The following DCHS1 variants were observed in gnomAD, a reference collection of about 807,000 sequenced individuals.
The protein encoded by DCHS1 is protocadherin-16.
A neutral mutation model predicts 213.9 loss-of-function variants in DCHS1; 78 were observed. The ratio of observed to expected loss-of-function variants is 0.36; its 90% CI spans 0.30 to 0.44. DCHS1 has a LOEUF of 0.44. Among genes scored for constraint, DCHS1 ranks in the 20% least tolerant of loss-of-function variants. The probability of loss-of-function intolerance (pLI) is 1.00; values close to 1 mark genes in which losing one functional copy is unlikely to be tolerated. For missense variants in DCHS1, 3,946 were observed against 4,395.9 expected, an observed-to-expected ratio of 0.90 and a Z score of 2.89; for synonymous variants, 1,828 against 1,873.7, an observed-to-expected ratio of 0.98 and a Z score of 0.63.
At position 6,629,732 on chromosome 11, in the gene DCHS1, G is replaced by T. The variant is rs750210702; in HGVS notation, c.4975C>A (p.Arg1659Ser). 3 of 1,613,768 alleles carry T rather than the reference G, an allele frequency of 1.9e-6. No individual in the cohort carries two copies. Among genetic ancestry groups the T allele is most frequent in the South Asian group, 2.2e-5 (2 of 91,086 alleles). ...GATGTGCCAGGAGGGTTGTTCTCAC[G>T]CAAGAGGACGCTGTACTCCTGCTGC... ...FQQQEYSVLL[R>S]ENNPPGTSLL... The change falls in exon 11 of 21, where the codon CGT becomes AGT. Residue 1659 changes from arginine (R) to serine (S), a missense_variant. Transcript: ENST00000299441.
rs1479821266 is a variant in DCHS1 at position 6,655,641 on chromosome 11, G to A, written c.-199C>T. On this transcript the variant is annotated 5_prime_UTR_variant, in exon 1 of 21. Coordinates refer to ENST00000299441, the MANE Select transcript of DCHS1 (RefSeq NM_003737.4). ...TCAGCCCCCCGGGCAGCGCCCGCTC[G>A]CGCGGGGCCTGAGGCCGCGCATCGT... The A allele has an allele frequency of 5.8e-5, 57 of 977,542 alleles. No individual in the cohort carries two copies. Among genetic ancestry groups the A allele is most frequent in the Admixed American group, 6.4e-5 (1 of 15,658 alleles). The allele number at this position is 977,542 out of a possible 1,614,324, so 60.6% of individuals were successfully genotyped here. A position where few individuals can be genotyped will look rare whatever the true frequency, so the allele number is the denominator to read the frequency against.
In DCHS1 at chr11:6,622,356, TAG is replaced by T. The variant is rs1428749493; in HGVS notation, c.9318_9319del (p.Tyr3107GlnfsTer55). The T allele has an allele frequency of 3.8e-6, 6 of 1,587,354 alleles. No individual in the cohort carries two copies. The highest frequency in any genetic ancestry group is 5.1e-6 in the Non-Finnish European group (6 of 1,167,028). On this transcript the variant is annotated frameshift_variant, in exon 21 of 21. Transcript: ENST00000299441. LOFTEE classifies it high-confidence loss of function. The surrounding 1 kb of genome is among the most constrained non-coding windows in gnomAD (Gnocchi z 5.4). Reference sequence around the variant, plus strand: ...AGTGGCTGGGGGCCCCTCCTCTCTGTAGAGAGTGGCTCCTGCACCTGGCAGCA... The same window carrying T: ...AGTGGCTGGGGGCCCCTCCTCTCTGTAGAGTGGCTCCTGCACCTGGCAGCA...
chr11:6,654,879 G>A (rs1006424943), intron 1 of DCHS1, among the ~76,000 whole-genome samples: 1 of 151,978 alleles, frequency 6.6e-6, no homozygotes, highest in African/African-American at 2.4e-5. Context: ...CCTCCACGTG[G>A]GACCCACGCC....
chr11:6,633,746 AG>A (rs1855947685), intron 4 of DCHS1, 42 bp downstream of exon 4: 1 of 1,598,430 alleles, frequency 6.3e-7, no homozygotes, highest in South Asian at 1.1e-5. Context: ...GCAGGTGGGG[AG>A]GGGGACCTGG....
Position 6,621,588 on chromosome 11 carries a change from T to C in DCHS1, c.*191A>G, listed in dbSNP as rs962071343. 2 of 733,580 alleles carry C rather than the reference T, an allele frequency of 2.7e-6. No homozygotes were observed. Among genetic ancestry groups the C allele is most frequent in the Non-Finnish European group, 4.8e-6 (2 of 414,838 alleles). 45.4% of individuals were successfully genotyped at this position (733,580 alleles called of 1,614,324 possible). ...TCCCCACATTGGACCTGGTCACAGG[T>C]CAGTGAGCAACAGGGCTTCTGTGGT... On this transcript the variant is annotated 3_prime_UTR_variant, in exon 21 of 21. Transcript: ENST00000299441.
In DCHS1 at chr11:6,631,152, A is replaced by T. The variant is rs746306266; in HGVS notation, c.3831T>A (p.Ala1277=). 1 of 1,611,440 alleles carries T rather than the reference A, an allele frequency of 6.2e-7. No homozygotes were observed. The highest frequency in any genetic ancestry group is 1.3e-5 in the African/African-American group (1 of 74,754). The change falls in exon 9 of 21, where the codon GCT becomes GCA. Residue 1277 remains alanine, a synonymous_variant. Transcript: ENST00000299441. ...HPHSGELLTA[A]PLIRAERPHY... ...GGGGCCGCTCTGCTCGGATCAGGGG[A>T]GCTGCAGTGAGCAGCTCCCCTGAGT...
rs1199729435 is a variant in DCHS1, at chr11:6,625,382, G to A, written c.6962C>T (p.Pro2321Leu). 3.7e-6 allele frequency: 6 copies of A among 1,612,152 alleles called. No individual in the cohort carries two copies. The highest frequency in any genetic ancestry group is 5.1e-6 in the Non-Finnish European group (6 of 1,178,984). ...YVLSPSGPQD[P>L]FSVGRYGGRV... Reference sequence around the variant, plus strand: ...GCCTCCATAGCGGCCAACACTGAAGGGATCCTGGGGCCCAGATGGGCTTAG... The same window carrying A: ...GCCTCCATAGCGGCCAACACTGAAGAGATCCTGGGGCCCAGATGGGCTTAG... Residue 2321 changes from proline (P) to leucine (L), a missense_variant, in exon 19 of 21, where the codon CCC becomes CTC. Pro to Leu is a moderately conservative substitution (Grantham distance 98). Coordinates refer to ENST00000299441, the MANE Select transcript of DCHS1 (RefSeq NM_003737.4). The surrounding 1 kb of genome is among the most constrained non-coding windows in gnomAD (Gnocchi z 5.3).
At chr11:6,629,403 G>A (rs2134623036) in intron 12 of DCHS1, 49 bp downstream of exon 12, 2 of 1,601,098 alleles carry the variant, frequency 1.2e-6, no homozygotes, top group East Asian at 4.5e-5. Context: ...AGGTAACACT[G>A]GTGTTTACAA....
At position 6,630,809 on chromosome 11, in the gene DCHS1, G is replaced by T. The variant is rs1270733319; in HGVS notation, c.3985C>A (p.Pro1329Thr). Residue 1329 changes from proline to threonine, a missense_variant, in exon 10 of 21, where the codon CCA becomes ACA. By Grantham distance (38) the Pro-to-Thr change is conservative. Coordinates refer to ENST00000299441, the MANE Select transcript of DCHS1 (RefSeq NM_003737.4). ...EPPPDLAERD[P>T]AAPVPVVLTV... is the part of the protein sequence containing the mutation. ...AGCACGACAGGCACTGGTGCCGCTG[G>T]GTCCCGCTCTGCGAGATCTGGGGGC... The T allele has an allele frequency of 1.3e-6, 2 of 1,536,190 alleles. No individual in the cohort carries two copies. The highest frequency in any genetic ancestry group is 2.7e-5 in the African/African-American group (2 of 72,736).
Position 6,621,387 on chromosome 11 carries a change from G to A in DCHS1, c.*392C>T, listed in dbSNP as rs1855681925. On this transcript the variant is annotated 3_prime_UTR_variant, in exon 21 of 21. Coordinates refer to ENST00000299441, the MANE Select transcript of DCHS1 (RefSeq NM_003737.4). The stretch of plus-strand genomic sequence containing the variant: ...AGAAATGGCACTTGGTTCTGGGCAG[G>A]GGCAGGGGCAGGGGTGTCAGTGGAA... 6 of 355,778 alleles carry A rather than the reference G, an allele frequency of 1.7e-5. No individual in the cohort carries two copies. The highest frequency in any genetic ancestry group is 2.7e-5 in the Non-Finnish European group (5 of 182,504). 22.0% of individuals were successfully genotyped at this position (355,778 alleles called of 1,614,324 possible).
In DCHS1 at chr11:6,632,282, C is replaced by T; in HGVS notation, c.3230G>A (p.Gly1077Glu). The change falls in exon 6 of 21, where the codon GGG becomes GAG. Residue 1077 changes from glycine to glutamate, a missense_variant. Transcript: ENST00000299441. The surrounding 1 kb of genome is among the most constrained non-coding windows in gnomAD (Gnocchi z 5.9). The stretch of plus-strand genomic sequence containing the variant: ...CTGCTGCCCCAACTCAGCTTTGGAC[C>T]CAGACACTGCCATTACCTTCAGTAT... ...LYILKVMAVS[G>E]SKAELGQQTG... 1 of 1,613,888 alleles carries T rather than the reference C, an allele frequency of 6.2e-7. No homozygotes were observed. The highest frequency in any genetic ancestry group is 8.5e-7 in the Non-Finnish European group (1 of 1,179,828).
rs1373009937 is a variant in DCHS1 at position 6,633,851 on chromosome 11, C to T, written c.2156G>A (p.Arg719Gln). ...GCCAGCCAGGATATGGTAGGAGAGT[C>T]GCCCATGGGATCCCTGGTCAGGGTC... ...AHDPDQGSHG[R>Q]LSYHILAGNS... The change falls in exon 4 of 21, where the codon CGA becomes CAA. Residue 719 changes from arginine to glutamine, a missense_variant. Around this residue, in one of 3 missense-constraint regions of DCHS1, gnomAD observed 3,384 missense variants for 3,780.1 expected, o/e 0.90. Transcript: ENST00000299441. 52 of 1,613,848 alleles carry T rather than the reference C, an allele frequency of 3.2e-5. No homozygotes were observed. The highest frequency in any genetic ancestry group is 6.7e-5 in the East Asian group (3 of 44,884).
chr11:6,634,272 C>T lies in DCHS1; in HGVS notation c.1832G>A (p.Gly611Asp), dbSNP rs1389495652. ...TATDADSGPFGLLSYSLGAGL... is the reference protein window; with the variant it reads ...TATDADSGPFDLLSYSLGAGL... ...AGCACCCAAGGAATAGGAGAGGAGG[C>T]CAAATGGGCCACTATCCGCGTCTGT... Residue 611 changes from glycine to aspartate, a missense_variant, in exon 3 of 21, where the codon GGC (glycine) becomes GAC (aspartate). This residue lies in a region of DCHS1 where 3,384 missense variants were observed against 3,780.1 expected (regional missense o/e 0.90). Transcript: ENST00000299441. 6.2e-7 allele frequency: 1 copy of T among 1,611,174 alleles called. No individual in the cohort carries two copies. Among genetic ancestry groups the T allele is most frequent in the East Asian group, 2.2e-5 (1 of 44,850 alleles).
In DCHS1 at chr11:6,651,307, TG is replaced by T. The variant is rs138226861; in HGVS notation, c.-121+4255del. 9.4e-3 allele frequency among the ~76,000 whole-genome samples: 1,423 copies of T among 152,166 alleles called. 26 individuals are homozygous for T. Among genetic ancestry groups the T allele is most frequent in the African/African-American group, 0.032 (1,315 of 41,510 alleles). ...GGCCTTTCAGGCAGGCAGAGCAGTA[TG>T]TGCAAAGGGTCAGAAGCATGGAAAA... On this transcript the variant is annotated intron_variant, in intron 1 of 20. Transcript: ENST00000299441.
Position 6,630,540 on chromosome 11 carries a change from C to A in DCHS1, c.4254G>T (p.Arg1418=). The A allele has an allele frequency of 1.3e-6, 2 of 1,530,844 alleles. No homozygotes were observed. The highest frequency in any genetic ancestry group is 1.7e-6 in the Non-Finnish European group (2 of 1,145,550). 94.8% of individuals were successfully genotyped at this position (1,530,844 alleles called of 1,614,324 possible). A position where few individuals can be genotyped will look rare whatever the true frequency, so the allele number is the denominator to read the frequency against. ...GCACTTGCACCTGCACTCGCAGCAG[C>A]CGCGCGCCCGCGCCTCCCGGCCCCT... ...RAEGPGGAGA[R]LLRVQVQVQD... Residue 1418 remains arginine (R), a synonymous_variant, in exon 10 of 21, where the codon CGG becomes CGT. Transcript: ENST00000299441.
rs112937871 is a variant in DCHS1 at position 6,630,315 on chromosome 11, C to T, written c.4479G>A (p.Gly1493=). ...VPALRLDART[G]ALSAPRGLDR... ...CCAGGCCGCGCGGAGCGCTGAGCGC[C>T]CCGGTGCGCGCGTCCAGGCGAAGCG... The change falls in exon 10 of 21, where the codon GGG becomes GGA. Residue 1493 remains glycine (G), a synonymous_variant. Transcript: ENST00000299441. 4.7e-3 allele frequency: 6,472 copies of T among 1,371,936 alleles called. 53 individuals are homozygous for T. The highest frequency in any genetic ancestry group is 0.024 in the South Asian group (1,510 of 63,406). The allele number at this position is 1,371,936 out of a possible 1,614,324, so 85.0% of individuals were successfully genotyped here.
At chr11:6,637,019 T>C (rs1041624807) in intron 2 of DCHS1, among the ~76,000 whole-genome samples, 3 of 152,224 alleles carry the variant, frequency 2.0e-5, no homozygotes, top group Non-Finnish European at 4.4e-5. Flanking sequence ...AAATCAGTTC[T>C]TCCCTTTTCT....
rs1465501550 is a variant in DCHS1 at position 6,629,434 on chromosome 11, G to A, written c.5161+18C>T. 3 of 1,612,194 alleles carry A rather than the reference G, an allele frequency of 1.9e-6. No homozygotes were observed. Among genetic ancestry groups the A allele is most frequent in the African/African-American group, 2.7e-5 (2 of 75,010 alleles). On this transcript the variant is annotated intron_variant, in intron 12 of 20. Coordinates refer to ENST00000299441, the MANE Select transcript of DCHS1 (RefSeq NM_003737.4). ...TACAACACCTCACTCAGGCTCTTGG[G>A]GTCCTGTCAACATGTACCTGTCAGG...
rs1035335446 is a variant in DCHS1, at chr11:6,629,392, C to T, written c.5161+60G>A. 23 of 1,583,938 alleles carry T rather than the reference C, an allele frequency of 1.5e-5. No homozygotes were observed. The Admixed American group carries it at 2.9e-4, about 20-fold the overall frequency. On this transcript the variant is annotated intron_variant, in intron 12 of 20. Coordinates refer to ENST00000299441, the MANE Select transcript of DCHS1 (RefSeq NM_003737.4). The stretch of plus-strand genomic sequence containing the variant: ...AAGGTAGTACTTTGGGTATTCTATC[C>T]AGGTAACACTGGTGTTTACAACACC...
Sources: gnomAD v4.1 joint callset for allele counts (sites outside exome capture counted in the v4.1 genomes callset) on GRCh38, gnomAD v4.1.1 for gene constraint, gnomAD v4.1.1 regional missense constraint, Gnocchi (gnomAD v3.1) non-coding constraint, MANE v1.5 for transcripts, NCBI Gene and HGNC (gene_info 2026-07-23, HGNC 2026-07-21) for gene names.